The following MGST2 variants were observed in gnomAD, a reference collection of about 807,000 sequenced individuals.
MGST2 encodes the protein microsomal glutathione S-transferase 2.
Under a neutral mutation model 16.6 loss-of-function variants are expected in MGST2, and 9 were observed. The observed-to-expected ratio is 0.54, with a 90% confidence interval of 0.33 to 0.95. The LOEUF is 0.95. Ranked by LOEUF, MGST2 falls within the 40% of genes least tolerant of loss-of-function variation. The probability of loss-of-function intolerance (pLI) is 0.03; values close to 1 mark genes in which losing one functional copy is unlikely to be tolerated. For synonymous variants in MGST2, 79 were observed against 68.0 expected, an observed-to-expected ratio of 1.16 and a Z score of -0.79; for missense variants, 159 against 175.1, an observed-to-expected ratio of 0.91 and a Z score of 0.52.
At chr4:139,684,291 C>T (rs890121920) in intron 2 of MGST2, among the ~76,000 whole-genome samples, 12 of 152,136 alleles carry the variant, frequency 7.9e-5, no homozygotes, top group Non-Finnish European at 5.9e-5. Context: ...GACTTGCCTC[C>T]ATGATTCAAT....
intron 2 of MGST2, 82 bp from the exon 3 acceptor site, chr4:139,695,115 A>C: frequency 3.1e-6 from 3 of 979,178 alleles, no homozygotes. Context: ...AATAGGCTGA[A>C]CATTTACCTC....
intron 5 of MGST2, among the ~76,000 whole-genome samples, chr4:139,738,561 G>A (rs1729039004): frequency 6.6e-6 from 1 of 152,076 alleles, no homozygotes; most frequent in Non-Finnish European, 1.5e-5. Flanking sequence ...ACAAAAAAAA[G>A]GTCTTGGTCC....
At chr4:139,702,867 T>TTTTTTTTTTTTTTTTTTTTTTCTTTC (rs767366469) in intron 3 of MGST2, among the ~76,000 whole-genome samples, 1 of 132,386 alleles carries the variant, frequency 7.6e-6, no homozygotes, top group African/African-American at 2.7e-5. Context: ...TTTTTTTTTT[T>TTTTTTTTTTTTTTTTTTTTTTCTTTC]TTTACAATTT....
Position 139,695,203 on chromosome 4 carries a change from CTG to C in MGST2, c.170_171del (p.Val57GlyfsTer45). On this transcript the variant is annotated frameshift_variant, in exon 3 of 5. Coordinates refer to ENST00000265498, the MANE Select transcript of MGST2 (RefSeq NM_002413.5). LOFTEE classifies it high-confidence loss of function. ...TCTTTATTTTTTTCTGCAGACAAAA[CTG>C]TGTGGAGTTTTATCCTATATTCATA... ...FERVFRAQQN[C>X]VEFYPIFIIT... is the part of the protein sequence containing the mutation. 1.2e-6 allele frequency: 2 copies of C among 1,611,528 alleles called. No homozygotes were observed. Among genetic ancestry groups the C allele is most frequent in the Non-Finnish European group, 1.7e-6 (2 of 1,177,672 alleles).
the MGST2 span, among the ~76,000 whole-genome samples, chr4:139,749,204 A>G: frequency 6.6e-6 from 1 of 152,260 alleles, no homozygotes; most frequent in Non-Finnish European, 1.5e-5. Context: ...CCAATTATAT[A>G]AAATTATAGC....
intron 1 of MGST2, among the ~76,000 whole-genome samples, chr4:139,676,996 T>C (rs1168644870): frequency 6.6e-6 from 1 of 152,178 alleles, no homozygotes; most frequent in Non-Finnish European, 1.5e-5. Context: ...ATCTATTTTC[T>C]CTAAGGGGCT....
downstream of MGST2, chr4:139,704,327 A>T (rs890582119): frequency 2.8e-6 from 2 of 713,904 alleles, no homozygotes; most frequent in Admixed American, 4.8e-5. Context: ...GGGTAGGTAC[A>T]TCCATATCAT....
At chr4:139,670,489 A>G (rs1275638580) in intron 1 of MGST2, among the ~76,000 whole-genome samples, 2 of 152,180 alleles carry the variant, frequency 1.3e-5, no homozygotes, top group Admixed American at 1.3e-4. Context: ...TTCGGCCCCA[A>G]AAGGTGGGAT....
At chr4:139,727,724 C>G (rs564518152) in intron 5 of MGST2, among the ~76,000 whole-genome samples, 78 of 152,344 alleles carry the variant, frequency 5.1e-4, no homozygotes, top group Middle Eastern at 3.4e-3. Context: ...TCAACCTGCA[C>G]TGCTCTGATT....
the MGST2 span, among the ~76,000 whole-genome samples, chr4:139,749,057 CA>C: frequency 1.3e-5 from 2 of 152,166 alleles, no homozygotes; most frequent in East Asian, 3.9e-4. Context: ...AAAAACAATC[CA>C]AAAGCTCTAA....
chr4:139,698,372 A>T, intron 3 of MGST2: 1 of 1,607,548 alleles, frequency 6.2e-7, no homozygotes, highest in South Asian at 1.1e-5. Flanking sequence ...TGCGAACCAG[A>T]AGTTCAGTGG....
At chr4:139,709,354 A>G (rs1727653862) in intron 5 of MGST2, among the ~76,000 whole-genome samples, 2 of 152,210 alleles carry the variant, frequency 1.3e-5, no homozygotes, top group South Asian at 2.1e-4. Context: ...AAGTGCTGGG[A>G]TTACAGGTGT....
At chr4:139,673,841 G>GC (rs1242419638) in intron 1 of MGST2, among the ~76,000 whole-genome samples, 1 of 152,134 alleles carries the variant, frequency 6.6e-6, no homozygotes, top group Non-Finnish European at 1.5e-5. Context: ...AACAGACTTG[G>GC]CCCAAGCAAG....
At chr4:139,739,197 T>G (rs1435724826) in intron 5 of MGST2, among the ~76,000 whole-genome samples, 1 of 152,202 alleles carries the variant, frequency 6.6e-6, no homozygotes, top group Non-Finnish European at 1.5e-5. Flanking sequence ...GGCCCTATAA[T>G]GGACAGCTTC....
chr4:139,753,068 A>T, the MGST2 span, among the ~76,000 whole-genome samples: 11 of 152,314 alleles, frequency 7.2e-5, no homozygotes, highest in Admixed American at 7.2e-4. Context: ...GTTTCAGGAG[A>T]GGGCTCAGCC....
chr4:139,679,926 C>T (rs140897470), intron 2 of MGST2, among the ~76,000 whole-genome samples: 261 of 152,274 alleles, frequency 1.7e-3, no homozygotes, highest in African/African-American at 5.6e-3. Flanking sequence ...AATTTATGTA[C>T]GTGATCTGAA....
At chr4:139,752,270 G>C in the MGST2 span, among the ~76,000 whole-genome samples, 1 of 152,238 alleles carries the variant, frequency 6.6e-6, no homozygotes, top group African/African-American at 2.4e-5. Context: ...GTTGTAAGAT[G>C]TATCCTGATT....
At chr4:139,680,307 A>T (rs1183519979) in intron 2 of MGST2, among the ~76,000 whole-genome samples, 1 of 152,152 alleles carries the variant, frequency 6.6e-6, no homozygotes, top group South Asian at 2.1e-4. Context: ...CTTCTTGTGC[A>T]ATTTTTTTTC....
chr4:139,685,636 C>T (rs762467322), intron 2 of MGST2, among the ~76,000 whole-genome samples: 2 of 152,142 alleles, frequency 1.3e-5, no homozygotes, highest in Admixed American at 1.3e-4. Flanking sequence ...AAGAGTCAAA[C>T]TCTATAAAAT....
Sources: gnomAD v4.1 joint callset for allele counts (sites outside exome capture counted in the v4.1 genomes callset) on GRCh38, gnomAD v4.1.1 for gene constraint, MANE v1.5 for transcripts, NCBI Gene and HGNC (gene_info 2026-07-23, HGNC 2026-07-21) for gene names.